Variants in AKAP12 observed in about 807,000 individuals in gnomAD.
The protein encoded by AKAP12 is A-kinase anchoring protein 12.
In AKAP12, 32 loss-of-function variants were observed where a neutral mutation model predicts 79.9. That is an observed-to-expected ratio of 0.40 (90% CI 0.30 to 0.54). The LOEUF is 0.54. AKAP12 is among the 20% of genes least tolerant of loss of function. The probability of loss-of-function intolerance (pLI) is 0.48; values close to 1 mark genes in which losing one functional copy is unlikely to be tolerated. For missense variants in AKAP12, 2,074 were observed against 2,177.0 expected (o/e 0.95, Z 0.94); for synonymous variants, 808 against 857.0 (o/e 0.94, Z 1.00).
intron 2 of AKAP12, among the ~76,000 whole-genome samples, chr6:151,260,847 C>T (rs779110665): frequency 6.6e-6 from 1 of 151,876 alleles, no homozygotes; most frequent in Non-Finnish European, 1.5e-5. Flanking sequence ...CAAAAATTAG[C>T]TGAGTGTGGT....
At chr6:151,301,116 C>T (rs1776855955) in intron 2 of AKAP12, among the ~76,000 whole-genome samples, 1 of 152,134 alleles carries the variant, frequency 6.6e-6, no homozygotes, top group Non-Finnish European at 1.5e-5. Context: ...CCTCGAATCC[C>T]ATCTGGCTCC....
At chr6:151,296,726 G>A (rs1029404091) in intron 2 of AKAP12, among the ~76,000 whole-genome samples, 1 of 152,102 alleles carries the variant, frequency 6.6e-6, no homozygotes, top group Non-Finnish European at 1.5e-5. Flanking sequence ...GCAGTGAGCC[G>A]AGATCACGCC....
At chr6:151,319,478 TATC>T (rs1777315297) in intron 3 of AKAP12, among the ~76,000 whole-genome samples, 2 of 145,710 alleles carry the variant, frequency 1.4e-5, no homozygotes, top group Non-Finnish European at 3.0e-5. Context: ...TCTATCTATC[TATC>T]TATCTACTAT....
chr6:151,321,889 C>A (rs1035287886), intron 3 of AKAP12, among the ~76,000 whole-genome samples: 1 of 141,080 alleles, frequency 7.1e-6, no homozygotes. Context: ...TTAAACCAGG[C>A]ACATCAGCTT....
At chr6:151,295,994 T>G (rs1354472877) in intron 2 of AKAP12, among the ~76,000 whole-genome samples, 1 of 152,174 alleles carries the variant, frequency 6.6e-6, no homozygotes, top group Non-Finnish European at 1.5e-5. Flanking sequence ...CTTTTTTGGC[T>G]TGTTGGTTTT....
intron 2 of AKAP12, among the ~76,000 whole-genome samples, chr6:151,304,412 C>CT (rs1343510442): frequency 1.5e-5 from 2 of 133,462 alleles, no homozygotes; most frequent in South Asian, 2.6e-4. Context: ...TCACTTGAAC[C>CT]TGGGAACTGG....
intron 2 of AKAP12, among the ~76,000 whole-genome samples, chr6:151,256,962 A>ATAT (rs1554319585): frequency 6.6e-6 from 1 of 151,092 alleles, no homozygotes; most frequent in African/African-American, 2.4e-5. Flanking sequence ...ATATATATAT[A>ATAT]AACTTTAAAT....
intron 2 of AKAP12, among the ~76,000 whole-genome samples, chr6:151,257,989 C>T (rs1457742426): frequency 6.6e-6 from 1 of 152,168 alleles, no homozygotes; most frequent in East Asian, 1.9e-4. Context: ...TCTCCAGTAA[C>T]AACTGTTTGT....
intron 3 of AKAP12, among the ~76,000 whole-genome samples, chr6:151,345,907 G>A (rs898020654): frequency 2.5e-4 from 16 of 64,226 alleles, no homozygotes; most frequent in Admixed American, 9.3e-4. Flanking sequence ...GTGTGTGTGT[G>A]TGTGTGTGTG....
At chr6:151,279,738 G>A (rs1307789176) in intron 2 of AKAP12, among the ~76,000 whole-genome samples, 1 of 151,906 alleles carries the variant, frequency 6.6e-6, no homozygotes, top group Admixed American at 6.6e-5. Context: ...TAGCTACTGG[G>A]GGGAGGCTGA....
chr6:151,341,117 T>C (rs1165074693), intron 3 of AKAP12, among the ~76,000 whole-genome samples: 1 of 151,460 alleles, frequency 6.6e-6, no homozygotes, highest in Non-Finnish European at 1.5e-5. Context: ...AGTGGCACGA[T>C]CTCGGCTCAC....
chr6:151,266,439 G>C (rs571603168), intron 2 of AKAP12, among the ~76,000 whole-genome samples: 1 of 152,184 alleles, frequency 6.6e-6, no homozygotes, highest in Non-Finnish European at 1.5e-5. Context: ...TGAAGATGGC[G>C]TAAGGAGGAA....
intron 2 of AKAP12, among the ~76,000 whole-genome samples, chr6:151,266,025 T>C (rs1368112013): frequency 1.3e-5 from 2 of 152,230 alleles, no homozygotes; most frequent in African/African-American, 4.8e-5. Flanking sequence ...CAAAGTGATT[T>C]GACAAAATTG....
chr6:151,288,706 G>A (rs1258622666), intron 2 of AKAP12, among the ~76,000 whole-genome samples: 2 of 152,022 alleles, frequency 1.3e-5, no homozygotes, highest in East Asian at 1.9e-4. Context: ...CCCTACCCCC[G>A]TTCAGAAGTC....
intron 3 of AKAP12, among the ~76,000 whole-genome samples, chr6:151,336,657 G>T (rs1277014942): frequency 6.6e-6 from 1 of 152,122 alleles, no homozygotes; most frequent in East Asian, 1.9e-4. Flanking sequence ...AGACAGAATT[G>T]CTTGAACCCA....
chr6:151,343,955 AGT>A (rs780806553), intron 3 of AKAP12: 2 of 457,158 alleles, frequency 4.4e-6, no homozygotes, highest in African/African-American at 4.2e-5. Context: ...TAATGGGAAG[AGT>A]GTATATATCT....
At chr6:151,240,349 A>T in intron 1 of AKAP12, 35 bp from the exon 2 acceptor site, 1 of 435,930 alleles carries the variant, frequency 2.3e-6, no homozygotes, top group African/African-American at 2.2e-5. Flanking sequence ...GGAGGCTAAG[A>T]GGTGGCCTTT....
chr6:151,287,001 T>C (rs911639220), intron 2 of AKAP12, among the ~76,000 whole-genome samples: 2 of 150,308 alleles, frequency 1.3e-5, no homozygotes, highest in Non-Finnish European at 3.0e-5. Flanking sequence ...TGCAGTGGCG[T>C]GATCTCGGCT....
intron 3 of AKAP12, among the ~76,000 whole-genome samples, chr6:151,343,640 C>T (rs764313281): frequency 1.5e-4 from 23 of 151,976 alleles, no homozygotes; most frequent in Non-Finnish European, 3.1e-4. Flanking sequence ...AAAAATTAGC[C>T]GAGCGTGGTG....
Sources: gnomAD v4.1 joint callset for allele counts (sites outside exome capture counted in the v4.1 genomes callset) on GRCh38, gnomAD v4.1.1 for gene constraint, MANE v1.5 for transcripts, NCBI Gene and HGNC (gene_info 2026-07-23, HGNC 2026-07-21) for gene names.